GMDS: variants seen among roughly 807,000 people sequenced by gnomAD.
GMDS encodes GDP-mannose 4,6-dehydratase.
A neutral mutation model predicts 49.9 loss-of-function variants in GMDS; 20 were observed. The ratio of observed to expected loss-of-function variants is 0.40; its 90% CI spans 0.28 to 0.58. The LOEUF is 0.58. Among genes scored for constraint, GMDS ranks in the 20% least tolerant of loss-of-function variants. The pLI, the probability that GMDS is intolerant of heterozygous loss-of-function variation, is 0.42. For missense variants in GMDS, 362 were observed against 481.4 expected (o/e 0.75, Z 2.32); for synonymous variants, 177 against 178.6 (o/e 0.99, Z 0.07).
chr6:2,096,716 G>T (rs1481655815), intron 4 of GMDS, among the ~76,000 whole-genome samples: 1 of 152,152 alleles, frequency 6.6e-6, no homozygotes, highest in Non-Finnish European at 1.5e-5. Context: ...TCACTAGCTT[G>T]GGGTCAGTGA....
At chr6:1,914,820 C>T (rs527338758) in intron 7 of GMDS, among the ~76,000 whole-genome samples, 24 of 152,368 alleles carry the variant, frequency 1.6e-4, no homozygotes, top group African/African-American at 5.8e-4. Context: ...GCCACTGGGC[C>T]TCCCTGAAGC....
rs138028313 is a variant in GMDS at position 1,908,667 on chromosome 6, T to C, written c.771+21436A>G. ...TTCCTCTGATCCTCAGACACACACATGGCACCATAAGGCAGGAACTGCTGC... is the reference window on the plus strand; with the variant it reads ...TTCCTCTGATCCTCAGACACACACACGGCACCATAAGGCAGGAACTGCTGC... On this transcript the variant is annotated intron_variant, in intron 7 of 10. Transcript: ENST00000380815. Among the ~76,000 whole-genome samples, 6 of 152,284 alleles carry C rather than the reference T, an allele frequency of 3.9e-5. No individual in the cohort carries two copies. In the East Asian group the frequency reaches 9.6e-4, roughly 24 times the overall value.
chr6:2,097,990 A>G (rs908282050), intron 4 of GMDS, among the ~76,000 whole-genome samples: 1 of 151,516 alleles, frequency 6.6e-6, no homozygotes, highest in African/African-American at 2.4e-5. Context: ...AGCTGTTTCA[A>G]TGCTCCCTTA....
intron 9 of GMDS, among the ~76,000 whole-genome samples, chr6:1,686,810 C>T (rs945789264): frequency 6.6e-6 from 1 of 152,166 alleles, no homozygotes; most frequent in Non-Finnish European, 1.5e-5. Context: ...AGGGTTAAAA[C>T]CATTCACTCT....
chr6:1,899,987 G>A (rs868749981), intron 7 of GMDS, among the ~76,000 whole-genome samples: 9 of 152,178 alleles, frequency 5.9e-5, no homozygotes, highest in African/African-American at 1.2e-4. Context: ...CTAAGGCCAC[G>A]TGGAGACCTT....
In GMDS at chr6:1,904,763, C is replaced by T. The variant is rs528143696; in HGVS notation, c.771+25340G>A. On this transcript the variant is annotated intron_variant, in intron 7 of 10. Transcript: ENST00000380815. ...CTTCACTGGGCCTAGCATGATGCCT[C>T]GCACATAGCCAGGAGCCCCCAGCAC... Among the ~76,000 whole-genome samples, 11 of 152,300 alleles carry T rather than the reference C, an allele frequency of 7.2e-5. No individual in the cohort carries two copies. The South Asian group carries it at 1.7e-3, about 23-fold the overall frequency.
intron 1 of GMDS, among the ~76,000 whole-genome samples, chr6:2,147,873 C>T (rs561464944): frequency 1.3e-5 from 2 of 149,702 alleles, no homozygotes; most frequent in South Asian, 4.3e-4. Flanking sequence ...AACGTAGAAA[C>T]TAAAAGTAGT....
intron 7 of GMDS, among the ~76,000 whole-genome samples, chr6:1,867,464 G>A (rs919434330): frequency 6.6e-6 from 1 of 152,150 alleles, no homozygotes; most frequent in Non-Finnish European, 1.5e-5. Flanking sequence ...AATATAGACA[G>A]GAGCAATTTG....
At chr6:1,747,492 A>G (rs1041932917) in intron 7 of GMDS, among the ~76,000 whole-genome samples, 17 of 139,956 alleles carry the variant, frequency 1.2e-4, no homozygotes, top group Admixed American at 5.0e-4. Flanking sequence ...GTGTGCGCGC[A>G]CACACACACA....
chr6:2,159,448 T>G (rs1346167386), intron 1 of GMDS, among the ~76,000 whole-genome samples: 1 of 152,002 alleles, frequency 6.6e-6, no homozygotes, highest in East Asian at 1.9e-4. Context: ...AACAGACTAA[T>G]ATCTACATAC....
intron 4 of GMDS, among the ~76,000 whole-genome samples, chr6:2,102,984 C>T (rs1774011728): frequency 6.6e-6 from 1 of 152,168 alleles, no homozygotes; most frequent in African/African-American, 2.4e-5. Flanking sequence ...GAAGTTAACA[C>T]AGTAGACTGC....
At chr6:2,217,677 T>C (rs1239778494) in intron 1 of GMDS, among the ~76,000 whole-genome samples, 1 of 152,158 alleles carries the variant, frequency 6.6e-6, no homozygotes, top group African/African-American at 2.4e-5. Flanking sequence ...AGGCCTGGTA[T>C]ATATAAGCAC....
intron 4 of GMDS, among the ~76,000 whole-genome samples, chr6:1,999,995 A>ATATATATATT (rs1766646033): frequency 6.7e-5 from 1 of 14,828 alleles, no homozygotes; most frequent in African/African-American, 1.9e-4. Context: ...ATATATATAT[A>ATATATATATT]TTATATATAT....
At chr6:1,924,955 C>CA (rs34895587) in intron 7 of GMDS, among the ~76,000 whole-genome samples, 20,167 of 148,368 alleles carry the variant, frequency 0.14, 1,477 homozygotes, top group East Asian at 0.2. Flanking sequence ...GACTCCGTCT[C>CA]AAAAAAAAAA....
chr6:1,774,201 A>T (rs1044090959), intron 7 of GMDS, among the ~76,000 whole-genome samples: 1 of 152,258 alleles, frequency 6.6e-6, no homozygotes, highest in African/African-American at 2.4e-5. Flanking sequence ...ATGTTCATAT[A>T]AACATAGCTG....
intron 4 of GMDS, among the ~76,000 whole-genome samples, chr6:2,022,310 TAGG>T: frequency 6.6e-6 from 1 of 152,156 alleles, no homozygotes; most frequent in East Asian, 1.9e-4. Context: ...TGGGTGGATA[TAGG>T]ATCCACACAT....
chr6:2,032,763 T>C (rs1368556162), intron 4 of GMDS, among the ~76,000 whole-genome samples: 2 of 152,182 alleles, frequency 1.3e-5, no homozygotes, highest in Non-Finnish European at 1.5e-5. Context: ...ATTATAAAAC[T>C]GCTAATTCAC....
chr6:2,166,163 C>A (rs1777660189), intron 1 of GMDS, among the ~76,000 whole-genome samples: 1 of 152,200 alleles, frequency 6.6e-6, no homozygotes, highest in Non-Finnish European at 1.5e-5. Flanking sequence ...CTAGCCAGAA[C>A]TGAAGACGGT....
chr6:2,071,748 G>A (rs1297245016), intron 4 of GMDS, among the ~76,000 whole-genome samples: 1 of 151,322 alleles, frequency 6.6e-6, no homozygotes, highest in Non-Finnish European at 1.5e-5. Context: ...TCACGGACCT[G>A]TAGTGCCATA....
Sources: gnomAD v4.1 joint callset for allele counts (sites outside exome capture counted in the v4.1 genomes callset) on GRCh38, gnomAD v4.1.1 for gene constraint, MANE v1.5 for transcripts, NCBI Gene and HGNC (gene_info 2026-07-23, HGNC 2026-07-21) for gene names.